PCDH17: variants seen among roughly 807,000 people sequenced by gnomAD.
PCDH17 encodes the protein protocadherin 17, also known as protocadherin-17.
PCDH17 carries 21 observed loss-of-function variants against 67.7 expected under a neutral mutation model. The observed-to-expected ratio is 0.31, with a 90% CI of 0.22 to 0.45. The LOEUF (loss-of-function observed/expected upper bound fraction) is 0.45. Ranked by LOEUF, PCDH17 falls within the 20% of genes least tolerant of loss-of-function variation. The pLI is 1.00. For missense variants in PCDH17, 1,471 were observed against 1,564.8 expected (o/e 0.94, Z 1.01); for synonymous variants, 701 against 656.7 (o/e 1.07, Z -1.03).
At chr13:57,665,481 A>G (rs1025149666) in intron 1 of PCDH17, among the ~76,000 whole-genome samples, 1 of 152,196 alleles carries the variant, frequency 6.6e-6, no homozygotes, top group African/African-American at 2.4e-5. Flanking sequence ...CATGAATTGC[A>G]TGATCCCTGT....
intron 1 of PCDH17, among the ~76,000 whole-genome samples, chr13:57,663,072 T>A (rs1955203617): frequency 1.3e-5 from 2 of 152,242 alleles, no homozygotes; most frequent in South Asian, 2.1e-4. Context: ...TATTATTGAT[T>A]TTTTGTAGAT....
At chr13:57,676,386 T>A (rs1367413850) in intron 3 of PCDH17, among the ~76,000 whole-genome samples, 3 of 151,740 alleles carry the variant, frequency 2.0e-5, no homozygotes, top group African/African-American at 7.3e-5. Flanking sequence ...CAGGGTGAGG[T>A]CACTGCAGGA....
chr13:57,664,571 C>T lies in PCDH17; in HGVS notation c.2566-1897C>T, dbSNP rs188390860. On this transcript the variant is annotated intron_variant, in intron 1 of 3. Coordinates refer to ENST00000377918, the MANE Select transcript of PCDH17 (RefSeq NM_001040429.3). ...CCTATGAGGCTCCACTTAATTAAAA[C>T]CATTAAAATCACAAGACTACTTATA... 8.5e-5 allele frequency among the ~76,000 whole-genome samples: 13 copies of T among 152,236 alleles called. No individual in the cohort carries two copies. In the East Asian group the frequency reaches 2.3e-3, roughly 27 times the overall value.
At chr13:57,660,944 A>T (rs1013188208) in intron 1 of PCDH17, among the ~76,000 whole-genome samples, 2 of 152,172 alleles carry the variant, frequency 1.3e-5, no homozygotes, top group African/African-American at 4.8e-5. Flanking sequence ...TTTGAAAGAT[A>T]CCTAGGCTGA....
chr13:57,716,830 C>A (rs899724991), intron 3 of PCDH17, among the ~76,000 whole-genome samples: 1 of 151,788 alleles, frequency 6.6e-6, no homozygotes, highest in African/African-American at 2.4e-5. Flanking sequence ...GCATTCTACC[C>A]AAGATACCCC....
intron 1 of PCDH17, among the ~76,000 whole-genome samples, chr13:57,649,122 G>T (rs1050825367): frequency 2.6e-5 from 4 of 152,058 alleles, no homozygotes; most frequent in African/African-American, 9.7e-5. Flanking sequence ...TGATGAGCCA[G>T]ATGTACACAG....
intron 3 of PCDH17, among the ~76,000 whole-genome samples, chr13:57,710,028 G>A (rs1169091427): frequency 6.6e-6 from 1 of 151,728 alleles, no homozygotes; most frequent in East Asian, 1.9e-4. Flanking sequence ...GTTTAAGTGG[G>A]CCAAATCTTA....
At chr13:57,706,094 G>A (rs1174758943) in intron 3 of PCDH17, among the ~76,000 whole-genome samples, 1 of 150,824 alleles carries the variant, frequency 6.6e-6, no homozygotes. Flanking sequence ...TGAAATCCAG[G>A]AAATGTAAAT....
chr13:57,662,831 A>C (rs1955199734), intron 1 of PCDH17, among the ~76,000 whole-genome samples: 1 of 152,170 alleles, frequency 6.6e-6, no homozygotes, highest in African/African-American at 2.4e-5. Flanking sequence ...CAGAGAATTC[A>C]TATTCTGCCA....
intron 1 of PCDH17, among the ~76,000 whole-genome samples, chr13:57,658,296 T>G (rs1243558657): frequency 6.6e-6 from 1 of 152,210 alleles, no homozygotes; most frequent in African/African-American, 2.4e-5. Context: ...TTTTTAGATG[T>G]TTCGTTTGAA....
At chr13:57,638,295 A>G (rs1954849371) in intron 1 of PCDH17, among the ~76,000 whole-genome samples, 1 of 152,056 alleles carries the variant, frequency 6.6e-6, no homozygotes, top group African/African-American at 2.4e-5. Flanking sequence ...CTCAAGAATA[A>G]CTGCTTATCG....
At chr13:57,654,953 G>T (rs1955085697) in intron 1 of PCDH17, among the ~76,000 whole-genome samples, 1 of 151,568 alleles carries the variant, frequency 6.6e-6, no homozygotes, top group African/African-American at 2.4e-5. Context: ...GGATGGAATT[G>T]GTAAATTATC....
At chr13:57,698,081 A>G (rs1490009086) in intron 3 of PCDH17, among the ~76,000 whole-genome samples, 1 of 151,690 alleles carries the variant, frequency 6.6e-6, no homozygotes, top group East Asian at 1.9e-4. Context: ...ATGGTGTAAC[A>G]TTGTACAAAA....
intron 3 of PCDH17, among the ~76,000 whole-genome samples, chr13:57,711,828 T>C (rs118095514): frequency 2.5e-4 from 38 of 151,536 alleles, no homozygotes; most frequent in Non-Finnish European, 4.6e-4. Flanking sequence ...TTCATATAGA[T>C]ATAATCTTTG....
chr13:57,724,702 A>G lies in PCDH17; in HGVS notation c.2888A>G (p.Gln963Arg). The G allele has an allele frequency of 6.2e-7, 1 of 1,613,904 alleles. No homozygotes were observed. The highest frequency in any genetic ancestry group is 8.5e-7 in the Non-Finnish European group (1 of 1,179,788). Residue 963 changes from glutamine (Q) to arginine (R), a missense_variant, in exon 4 of 4, where the codon CAG becomes CGG. By Grantham distance (43) the Gln-to-Arg change is conservative (BLOSUM62 1). This residue lies in a region of PCDH17 where 297 missense variants were observed against 298.6 expected (regional missense o/e 0.99). Transcript: ENST00000377918. ...ATGCCACAGTTCCCTGCAGCCAATC[A>G]GGCTGAAAATGCAGATTACCGCACA... ...CWMPQFPAAN[Q>R]AENADYRTNL...
At position 57,693,277 on chromosome 13, in the gene PCDH17, A is replaced by G. The variant is rs183274704; in HGVS notation, c.2797+26444A>G. On this transcript the variant is annotated intron_variant, in intron 3 of 3. Coordinates refer to ENST00000377918, the MANE Select transcript of PCDH17 (RefSeq NM_001040429.3). The stretch of plus-strand genomic sequence containing the variant: ...CTGAAATAGTATTTGAGGTAAAAAA[A>G]ATTTTTAAGAAACTTGGTATATTTG... Among the ~76,000 whole-genome samples, 679 of 139,266 alleles carry G rather than the reference A, an allele frequency of 4.9e-3. 9 individuals carry two copies. The highest frequency in any genetic ancestry group is 0.02 in the Middle Eastern group (5 of 250). The allele number at this position is 139,266 out of a possible 152,430, so 91.4% of individuals were successfully genotyped here. A position where few individuals can be genotyped will look rare whatever the true frequency, so the allele number is the denominator to read the frequency against.
Position 57,634,973 on chromosome 13 carries a change from C to T in PCDH17, c.2427C>T (p.Pro809=). 1.9e-6 allele frequency: 3 copies of T among 1,613,906 alleles called. No homozygotes were observed. The highest frequency in any genetic ancestry group is 2.5e-6 in the Non-Finnish European group (3 of 1,180,008). ...AGACCCGCCTGCCCCTCAGCTCGCC[C>T]CGGTCGGAGGTGATGTATCTCAAAC... ...DYQTRLPLSS[P]RSEVMYLKPA... Residue 809 remains proline (P), a synonymous_variant, in exon 1 of 4, where the codon CCC becomes CCT. Coordinates refer to ENST00000377918, the MANE Select transcript of PCDH17 (RefSeq NM_001040429.3). This position sits in a 1 kb window ranked among gnomAD's most constrained non-coding sequence, Gnocchi z 7.8.
intron 1 of PCDH17, among the ~76,000 whole-genome samples, chr13:57,650,986 C>T (rs77571901): frequency 0.065 from 9,918 of 152,022 alleles, 451 homozygotes; most frequent in East Asian, 0.25. Flanking sequence ...TGAGGTGTTC[C>T]GCTAGTCCCC....
At chr13:57,639,584 A>C (rs1954865703) in intron 1 of PCDH17, among the ~76,000 whole-genome samples, 1 of 151,910 alleles carries the variant, frequency 6.6e-6, no homozygotes, top group Non-Finnish European at 1.5e-5. Flanking sequence ...GTTTTCGATA[A>C]AATTTTCAAA....
Sources: gnomAD v4.1 joint callset for allele counts (sites outside exome capture counted in the v4.1 genomes callset) on GRCh38, gnomAD v4.1.1 for gene constraint, gnomAD v4.1.1 regional missense constraint, Gnocchi (gnomAD v3.1) non-coding constraint, MANE v1.5 for transcripts, NCBI Gene and HGNC (gene_info 2026-07-23, HGNC 2026-07-21) for gene names.